PRDM16: variants seen among roughly 807,000 people sequenced by gnomAD.
PRDM16 encodes the protein histone-lysine N-methyltransferase PRDM16.
A neutral mutation model predicts 110.6 loss-of-function variants in PRDM16; 23 were observed. That is an observed-to-expected ratio of 0.21 (90% CI 0.15 to 0.29). The LOEUF (loss-of-function observed/expected upper bound fraction) is 0.29. PRDM16 is among the 10% of genes least tolerant of loss of function. PRDM16 has a pLI of 1.00. For missense variants in PRDM16, 1,615 were observed against 1,794.3 expected (o/e 0.90, Z 1.81); for synonymous variants, 799 against 781.8 (o/e 1.02, Z -0.37).
chr1:3,236,652 T>C (rs1639547203), intron 2 of PRDM16, among the ~76,000 whole-genome samples: 1 of 152,204 alleles, frequency 6.6e-6, no homozygotes, highest in Admixed American at 6.5e-5. Context: ...TGCCCAGCCC[T>C]GCCCTCGGTG....
rs151165708 is a variant in PRDM16 at position 3,313,722 on chromosome 1, G to A, written c.438+69585G>A. Among the ~76,000 whole-genome samples, 664 of 152,252 alleles carry A rather than the reference G, an allele frequency of 4.4e-3. 5 individuals are homozygous for A. Among genetic ancestry groups the A allele is most frequent in the Middle Eastern group, 0.02 (6 of 294 alleles). On this transcript the variant is annotated intron_variant, in intron 3 of 16. Transcript: ENST00000270722. ...CAGTTGCTGACCCCAGGCAAACCTCGCCGCCTCCTGCCCCGGCGGGCCTGG... is the reference window on the plus strand; with the variant it reads ...CAGTTGCTGACCCCAGGCAAACCTCACCGCCTCCTGCCCCGGCGGGCCTGG...
intron 3 of PRDM16, among the ~76,000 whole-genome samples, chr1:3,282,985 C>T (rs893891395): frequency 6.6e-6 from 1 of 152,252 alleles, no homozygotes; most frequent in South Asian, 2.1e-4. Flanking sequence ...TTGACACTGT[C>T]ATCTTTCAGT....
intron 1 of PRDM16, among the ~76,000 whole-genome samples, chr1:3,103,442 G>T (rs1361205200): frequency 6.6e-6 from 1 of 152,266 alleles, no homozygotes; most frequent in African/African-American, 2.4e-5. Context: ...AGCTCCTGGG[G>T]TTAGGGCTTC....
At chr1:3,101,348 G>A (rs758187650) in intron 1 of PRDM16, among the ~76,000 whole-genome samples, 14 of 152,234 alleles carry the variant, frequency 9.2e-5, no homozygotes, top group African/African-American at 1.7e-4. Flanking sequence ...CCCCAGGGCC[G>A]TATTGTCTGG....
chr1:3,415,704 G>A (rs1248491905), intron 10 of PRDM16, among the ~76,000 whole-genome samples: 2 of 152,260 alleles, frequency 1.3e-5, no homozygotes, highest in Non-Finnish European at 2.9e-5. Context: ...GCCCAGCGGG[G>A]GGCAGTTTCC....
chr1:3,242,278 C>T (rs1639690762), intron 2 of PRDM16, among the ~76,000 whole-genome samples: 2 of 152,230 alleles, frequency 1.3e-5, no homozygotes, highest in Admixed American at 1.3e-4. Flanking sequence ...CACTCCTCGA[C>T]GTGCCTCACG....
At chr1:3,117,327 G>A (rs919846500) in intron 1 of PRDM16, among the ~76,000 whole-genome samples, 6 of 152,176 alleles carry the variant, frequency 3.9e-5, no homozygotes, top group East Asian at 1.9e-4. Flanking sequence ...CTCAGGAGTC[G>A]GAAATTGGAT....
intron 2 of PRDM16, among the ~76,000 whole-genome samples, chr1:3,217,178 T>C (rs992786509): frequency 1.3e-5 from 2 of 152,268 alleles, no homozygotes; most frequent in East Asian, 1.9e-4. Context: ...GAAACGGGCA[T>C]TCGCCCGTGT....
chr1:3,418,944 T>C (rs138145695), intron 12 of PRDM16, among the ~76,000 whole-genome samples, 200 bp downstream of exon 12: 1 of 152,146 alleles, frequency 6.6e-6, no homozygotes, highest in African/African-American at 2.4e-5. Flanking sequence ...AGGCAGGAGG[T>C]GCCCAGGAAC....
intron 1 of PRDM16, among the ~76,000 whole-genome samples, chr1:3,144,602 G>A (rs1643611378): frequency 6.6e-6 from 1 of 152,198 alleles, no homozygotes; most frequent in African/African-American, 2.4e-5. Flanking sequence ...GCCAGTTGTA[G>A]ACCCCACAGC....
chr1:3,272,571 G>A (rs576335692), intron 3 of PRDM16, among the ~76,000 whole-genome samples: 1 of 152,324 alleles, frequency 6.6e-6, no homozygotes, highest in East Asian at 1.9e-4. Flanking sequence ...GGGACGTCCC[G>A]CCAGTGAGCC....
chr1:3,181,780 G>A lies in PRDM16; in HGVS notation c.38-4345G>A, dbSNP rs1391129323. 1.1e-3 allele frequency among the ~76,000 whole-genome samples: 106 copies of A among 100,690 alleles called. 1 individual carries two copies. The highest frequency in any genetic ancestry group is 4.1e-3 in the African/African-American group (93 of 22,410). The allele number at this position is 100,690 out of a possible 152,430, so 66.1% of individuals were successfully genotyped here. A position where few individuals can be genotyped will look rare whatever the true frequency, so the allele number is the denominator to read the frequency against. On this transcript the variant is annotated intron_variant, in intron 1 of 16. Coordinates refer to ENST00000270722, the MANE Select transcript of PRDM16 (RefSeq NM_022114.4). ...CGGTCTTACACACAGTCTTACACAT[G>A]CAGTCTTACACATGCAGTCTTACAC...
chr1:3,384,364 G>A (rs530360433), intron 3 of PRDM16, among the ~76,000 whole-genome samples: 15 of 152,210 alleles, frequency 9.9e-5, no homozygotes, highest in Non-Finnish European at 1.9e-4. Flanking sequence ...TGGCCAGAGT[G>A]GGGGAGGCTG....
At chr1:3,281,088 C>T (rs1391701895) in intron 3 of PRDM16, among the ~76,000 whole-genome samples, 2 of 152,232 alleles carry the variant, frequency 1.3e-5, no homozygotes, top group African/African-American at 4.8e-5. Context: ...CCCACTGTCT[C>T]AAAAGTGGGG....
intron 3 of PRDM16, among the ~76,000 whole-genome samples, chr1:3,295,946 T>C (rs1641080102): frequency 6.6e-6 from 1 of 151,316 alleles, no homozygotes; most frequent in South Asian, 2.1e-4. Context: ...GGACCTGCCC[T>C]CCCCAATCAG....
chr1:3,203,231 G>A (rs983578828), intron 2 of PRDM16, among the ~76,000 whole-genome samples: 12 of 151,316 alleles, frequency 7.9e-5, no homozygotes, highest in African/African-American at 2.2e-4. Context: ...GGGCTTTGGC[G>A]GTCATCCTTG....
rs1638588182 is a variant in PRDM16 at position 3,425,829 on chromosome 1, G to A, written c.3109+79G>A. 6.9e-5 allele frequency: 108 copies of A among 1,555,602 alleles called. No individual in the cohort carries two copies. In the South Asian group the frequency reaches 1.2e-3, roughly 17 times the overall value. ...CAGAGGGGGAGGGGGAACAGCAGGG[G>A]AGTGGGCGCCGGGCAGGGAAGAGGG... On this transcript the variant is annotated intron_variant, in intron 13 of 16. Coordinates refer to ENST00000270722, the MANE Select transcript of PRDM16 (RefSeq NM_022114.4). This position sits in a 1 kb window ranked among gnomAD's most constrained non-coding sequence, Gnocchi z 6.9.
intron 3 of PRDM16, among the ~76,000 whole-genome samples, chr1:3,329,289 G>A (rs539060765): frequency 7.9e-4 from 120 of 152,322 alleles, no homozygotes; most frequent in Non-Finnish European, 1.2e-3. Flanking sequence ...GCTTGGAGTT[G>A]GGGGGCTGGG....
At chr1:3,431,252 C>CAGGCCAGGGCAAGGCT (rs1171421727) in intron 15 of PRDM16, 144 bp downstream of exon 15, 53 of 1,351,386 alleles carry the variant, frequency 3.9e-5, no homozygotes, top group Non-Finnish European at 4.9e-5. Flanking sequence ...CCTCCACACA[C>CAGGCCAGGGCAAGGCT]AGGCCAGGGC....
Sources: allele counts gnomAD v4.1 joint callset (sites outside exome capture counted in the v4.1 genomes callset), GRCh38; gene constraint gnomAD v4.1.1; non-coding constraint Gnocchi (gnomAD v3.1); transcripts MANE v1.5; gene names NCBI Gene and HGNC (gene_info 2026-07-23, HGNC 2026-07-21).